The following EBAG9 variants were observed in gnomAD, a reference collection of about 807,000 sequenced individuals.
EBAG9 encodes estrogen receptor binding site associated antigen 9, also known as receptor-binding cancer antigen expressed on SiSo cells.
EBAG9 carries 16 observed loss-of-function variants against 30.9 expected under a neutral mutation model. The ratio of observed to expected loss-of-function variants is 0.52; its 90% CI spans 0.35 to 0.79. The LOEUF (loss-of-function observed/expected upper bound fraction) is 0.79. EBAG9 is among the 30% of genes least tolerant of loss of function. The probability of loss-of-function intolerance (pLI) is 0.01; values close to 1 mark genes in which losing one functional copy is unlikely to be tolerated. For synonymous variants in EBAG9, 93 were observed against 82.8 expected (o/e 1.12, Z -0.67); for missense variants, 197 against 242.1 (o/e 0.81, Z 1.24).
At chr8:109,561,262 A>C (rs1821705807) in intron 6 of EBAG9, among the ~76,000 whole-genome samples, 1 of 151,468 alleles carries the variant, frequency 6.6e-6, no homozygotes, top group Non-Finnish European at 1.5e-5. Context: ...CCATATTACA[A>C]GCTTGATATT....
chr8:109,546,393 CG>C (rs1563653048), intron 1 of EBAG9, among the ~76,000 whole-genome samples: 2 of 152,068 alleles, frequency 1.3e-5, no homozygotes, highest in Non-Finnish European at 2.9e-5. Context: ...CAACTGAAGC[CG>C]TAAGTATATC....
intron 2 of EBAG9, among the ~76,000 whole-genome samples, chr8:109,552,067 A>G (rs993876044): frequency 5.7e-4 from 87 of 152,154 alleles, no homozygotes; most frequent in African/African-American, 1.7e-3. Context: ...ATGGACAGCA[A>G]TCAGCTCTTT....
At chr8:109,539,773 G>C (rs993596427), upstream of EBAG9, 2 of 152,252 alleles carry the variant, frequency 1.3e-5, no homozygotes, top group African/African-American at 4.8e-5. Flanking sequence ...GCGCGCGCCC[G>C]GCTTTGAATG....
chr8:109,548,252 C>A (rs539621517), intron 1 of EBAG9, among the ~76,000 whole-genome samples: 1 of 151,630 alleles, frequency 6.6e-6, no homozygotes, highest in Non-Finnish European at 1.5e-5. Flanking sequence ...TTCTTAATAA[C>A]TATTCTTTTC....
chr8:109,554,017 T>G (rs575733587), intron 3 of EBAG9, 74 bp downstream of exon 3: 2 of 1,094,216 alleles, frequency 1.8e-6, no homozygotes, highest in East Asian at 2.8e-5. Context: ...AACAATATTT[T>G]AAAAACTGGA....
chr8:109,557,079 G>A (rs372226082), intron 5 of EBAG9, 37 bp downstream of exon 5: 3 of 1,341,326 alleles, frequency 2.2e-6, no homozygotes, highest in East Asian at 2.4e-5. Context: ...GGGTTTTGTT[G>A]TATTTCTGTT....
chr8:109,554,033 G>T, intron 3 of EBAG9, 90 bp downstream of exon 3: 1 of 879,390 alleles, frequency 1.1e-6, no homozygotes. Context: ...CTGGATTGCA[G>T]ATCATTAATA....
intron 4 of EBAG9, among the ~76,000 whole-genome samples, chr8:109,555,361 A>AT (rs1282619143): frequency 6.6e-6 from 1 of 151,908 alleles, no homozygotes; most frequent in Non-Finnish European, 1.5e-5. Context: ...TATGTGCCAC[A>AT]TTTTCTTAAT....
At position 109,550,819 on chromosome 8, in the gene EBAG9, C is replaced by T. The variant is rs1378267396; in HGVS notation, c.-6C>T. ...TGTGCCTCTTCCACAGGTTTTGATTCCCACCATGGCCATCACCCAGTTTCG... is the reference window on the plus strand; with the variant it reads ...TGTGCCTCTTCCACAGGTTTTGATTTCCACCATGGCCATCACCCAGTTTCG... On this transcript the variant is annotated 5_prime_UTR_variant, in exon 2 of 7. Coordinates refer to ENST00000337573, the MANE Select transcript of EBAG9 (RefSeq NM_004215.5). The T allele has an allele frequency of 1.3e-6, 2 of 1,594,564 alleles. No homozygotes were observed. Among genetic ancestry groups the T allele is most frequent in the African/African-American group, 1.3e-5 (1 of 74,438 alleles).
chr8:109,559,162 A>G (rs2131128677), intron 5 of EBAG9, among the ~76,000 whole-genome samples: 1 of 152,346 alleles, frequency 6.6e-6, no homozygotes, highest in Non-Finnish European at 1.5e-5. Context: ...TGATCTTATT[A>G]GTGCTCAAAG....
intron 5 of EBAG9, 87 bp downstream of exon 5, chr8:109,557,129 A>G: frequency 4.0e-6 from 3 of 756,902 alleles, no homozygotes; most frequent in Non-Finnish European, 6.0e-6. Flanking sequence ...TGAGTTTAAC[A>G]TAGTATTTAT....
chr8:109,561,215 TTA>T (rs140792246), intron 6 of EBAG9, among the ~76,000 whole-genome samples: 25 of 148,856 alleles, frequency 1.7e-4, no homozygotes, highest in Middle Eastern at 3.3e-3. Flanking sequence ...TATATATGTT[TTA>T]TATATATATA....
intron 5 of EBAG9, chr8:109,557,743 G>A (rs1433782485): frequency 2.2e-6 from 1 of 454,842 alleles, no homozygotes; most frequent in African/African-American, 2.0e-5. Context: ...AAGTCATTGG[G>A]TTGGGGCTAC....
At position 109,564,648 on chromosome 8, in the gene EBAG9, A is replaced by AGAC; in HGVS notation, c.*90_*92dup. 1 of 1,541,932 alleles carries AGAC rather than the reference A, an allele frequency of 6.5e-7. No individual in the cohort carries two copies. The highest frequency in any genetic ancestry group is 1.2e-5 in the South Asian group (1 of 82,956). On this transcript the variant is annotated 3_prime_UTR_variant, in exon 7 of 7. Transcript: ENST00000337573. ...GTATGGATTTAAGAGTATTTTAAGA[A>AGAC]GACATACTGCTTGATTTTAATACAT...
chr8:109,552,565 A>G (rs1247440211), intron 2 of EBAG9, among the ~76,000 whole-genome samples: 2 of 152,174 alleles, frequency 1.3e-5, no homozygotes, highest in Admixed American at 6.5e-5. Context: ...TGAAATGTAG[A>G]TGTTTTCTTC....
At chr8:109,563,257 G>A (rs1055326097) in intron 6 of EBAG9, 28 of 850,732 alleles carry the variant, frequency 3.3e-5, no homozygotes, top group Middle Eastern at 2.3e-4. Context: ...TTAATATTGA[G>A]CTCCCCCAGA....
intron 5 of EBAG9, among the ~76,000 whole-genome samples, chr8:109,557,413 A>G (rs1168872440): frequency 6.6e-6 from 1 of 152,202 alleles, no homozygotes; most frequent in Non-Finnish European, 1.5e-5. Context: ...GTATGACTTA[A>G]TTTTAAACGG....
intron 6 of EBAG9, 133 bp downstream of exon 6, chr8:109,561,062 T>C (rs1298989881): frequency 1.5e-6 from 1 of 659,804 alleles, no homozygotes; most frequent in Non-Finnish European, 2.5e-6. Flanking sequence ...AATAAGGACT[T>C]TTTTTTTTGT....
At chr8:109,547,043 T>C (rs1404493114) in intron 1 of EBAG9, among the ~76,000 whole-genome samples, 1 of 152,150 alleles carries the variant, frequency 6.6e-6, no homozygotes, top group South Asian at 2.1e-4. Flanking sequence ...AATTTTTTTT[T>C]TGAGACGGAG....
Sources: gnomAD v4.1 joint callset for allele counts (sites outside exome capture counted in the v4.1 genomes callset) on GRCh38, gnomAD v4.1.1 for gene constraint, MANE v1.5 for transcripts, NCBI Gene and HGNC (gene_info 2026-07-23, HGNC 2026-07-21) for gene names.